PPARGC1A: variants seen among roughly 807,000 people sequenced by gnomAD.
PPARGC1A encodes peroxisome proliferator-activated receptor gamma coactivator 1-alpha.
A neutral mutation model predicts 88.7 loss-of-function variants in PPARGC1A; 25 were observed. The observed-to-expected ratio is 0.28, with a 90% CI of 0.21 to 0.39. The LOEUF is 0.39. PPARGC1A is among the 10% of genes least tolerant of loss of function. PPARGC1A has a pLI of 1.00. For missense variants in PPARGC1A, 880 were observed against 968.7 expected (o/e 0.91, Z 1.22); for synonymous variants, 363 against 355.6 (o/e 1.02, Z -0.24).
At chr4:24,035,741 T>C in the PPARGC1A span, among the ~76,000 whole-genome samples, 2 of 152,116 alleles carry the variant, frequency 1.3e-5, no homozygotes, top group Non-Finnish European at 2.9e-5. Flanking sequence ...TTATTTTTAA[T>C]ATTTATTAAG....
the PPARGC1A span, among the ~76,000 whole-genome samples, chr4:24,227,441 C>T: frequency 2.6e-5 from 4 of 151,870 alleles, no homozygotes; most frequent in Non-Finnish European, 5.9e-5. Flanking sequence ...ATTTGTAAAA[C>T]GAATATAGAA....
At chr4:23,872,456 G>C (rs1024697580) in intron 2 of PPARGC1A, among the ~76,000 whole-genome samples, 1 of 152,168 alleles carries the variant, frequency 6.6e-6, no homozygotes, top group Non-Finnish European at 1.5e-5. Flanking sequence ...GGGGCAGTGG[G>C]ACAGATCTTG....
the PPARGC1A span, among the ~76,000 whole-genome samples, chr4:24,449,077 G>A: frequency 7.6e-4 from 116 of 152,250 alleles, 1 homozygote; most frequent in East Asian, 0.018. Flanking sequence ...AACTACTGAC[G>A]TCAGCTGGTC....
At chr4:24,149,081 G>A in the PPARGC1A span, among the ~76,000 whole-genome samples, 1 of 145,010 alleles carries the variant, frequency 6.9e-6, no homozygotes, top group Admixed American at 6.7e-5. Context: ...TTTGTAAGTT[G>A]GGGGGAAGGG....
the PPARGC1A span, among the ~76,000 whole-genome samples, chr4:24,427,141 G>T: frequency 6.6e-6 from 1 of 152,110 alleles, no homozygotes; most frequent in African/African-American, 2.4e-5. Context: ...CCATAGTAAG[G>T]TCAATTTTTT....
the PPARGC1A span, among the ~76,000 whole-genome samples, chr4:23,969,623 AT>A: frequency 3.3e-5 from 5 of 152,124 alleles, no homozygotes; most frequent in Admixed American, 2.0e-4. Flanking sequence ...GAAGGCGTGG[AT>A]TGTTTATTTT....
the PPARGC1A span, among the ~76,000 whole-genome samples, chr4:24,143,369 GT>G: frequency 6.6e-6 from 1 of 152,126 alleles, no homozygotes; most frequent in Non-Finnish European, 1.5e-5. Flanking sequence ...GCTGTAACAT[GT>G]GCTGTGAGGA....
chr4:24,240,321 A>G, the PPARGC1A span, among the ~76,000 whole-genome samples: 5 of 152,282 alleles, frequency 3.3e-5, no homozygotes, highest in East Asian at 9.7e-4. Context: ...TCTTTTAATT[A>G]TCTGATGCTC....
At chr4:24,413,956 G>C in the PPARGC1A span, among the ~76,000 whole-genome samples, 1 of 152,150 alleles carries the variant, frequency 6.6e-6, no homozygotes, top group African/African-American at 2.4e-5. Flanking sequence ...ATTTTGAAAA[G>C]GAGATTTTGA....
the PPARGC1A span, among the ~76,000 whole-genome samples, chr4:24,390,476 C>T: frequency 9.2e-5 from 14 of 151,872 alleles, no homozygotes; most frequent in Non-Finnish European, 2.1e-4. Context: ...TTCCACAACC[C>T]CAAAATAAAG....
the PPARGC1A span, among the ~76,000 whole-genome samples, chr4:24,013,978 G>T: frequency 6.6e-6 from 1 of 152,104 alleles, no homozygotes; most frequent in African/African-American, 2.4e-5. Context: ...AGAAAGCAGG[G>T]AAATAAAAGA....
the PPARGC1A span, among the ~76,000 whole-genome samples, chr4:24,427,998 C>G: frequency 0.015 from 2,254 of 151,846 alleles, 60 homozygotes; most frequent in African/African-American, 0.05. Flanking sequence ...GTCTTTAGTC[C>G]CAGCTACTCG....
the PPARGC1A span, among the ~76,000 whole-genome samples, chr4:24,106,162 G>A: frequency 3.3e-5 from 5 of 152,090 alleles, no homozygotes; most frequent in African/African-American, 9.7e-5. Flanking sequence ...AAAGATGCCC[G>A]CAGACTTTAT....
the PPARGC1A span, chr4:24,091,414 C>A: frequency 4.1e-6 from 4 of 977,830 alleles, no homozygotes; most frequent in Non-Finnish European, 4.9e-6. Context: ...AGACTTGGAG[C>A]CAAAAGAGTT....
chr4:24,114,845 T>C, the PPARGC1A span, among the ~76,000 whole-genome samples: 2,614 of 152,210 alleles, frequency 0.017, 71 homozygotes, highest in African/African-American at 0.06. Context: ...GGTGCGTGGG[T>C]AAATAGAAAT....
the PPARGC1A span, among the ~76,000 whole-genome samples, chr4:24,248,625 T>C: frequency 2.0e-5 from 3 of 152,240 alleles, no homozygotes; most frequent in African/African-American, 4.8e-5. Flanking sequence ...ATTCGAGATT[T>C]ACTGTGTGGC....
At chr4:24,021,759 T>C in the PPARGC1A span, among the ~76,000 whole-genome samples, 4 of 152,298 alleles carry the variant, frequency 2.6e-5, no homozygotes, top group Non-Finnish European at 4.4e-5. Context: ...AACAAGGCAA[T>C]ACAGGAGAAG....
chr4:24,137,799 G>A, the PPARGC1A span, among the ~76,000 whole-genome samples: 8 of 152,142 alleles, frequency 5.3e-5, no homozygotes, highest in Admixed American at 1.3e-4. Context: ...AGATCATTGC[G>A]TACAAGCAAA....
rs934910837 is a variant in PPARGC1A, at chr4:23,847,410, C to G, written c.235-15659G>C. On this transcript the variant is annotated intron_variant, in intron 2 of 12. Transcript: ENST00000264867. ...TCTCTCCTCCATTACCACTCATACC[C>G]TGTTTCAGTACTTGTGAGTCCATGA... 3.2e-4 allele frequency among the ~76,000 whole-genome samples: 49 copies of G among 152,174 alleles called. 1 individual carries two copies. Among genetic ancestry groups the G allele is most frequent in the East Asian group, 1.9e-4 (1 of 5,196 alleles).
Sources: allele counts gnomAD v4.1 joint callset (sites outside exome capture counted in the v4.1 genomes callset), GRCh38; gene constraint gnomAD v4.1.1; transcripts MANE v1.5; gene names NCBI Gene and HGNC (gene_info 2026-07-23, HGNC 2026-07-21).